The following WBP2NL variants were observed in gnomAD, a reference collection of about 807,000 sequenced individuals.
The protein encoded by WBP2NL is WBP2 N-terminal like.
Under a neutral mutation model 23.3 loss-of-function variants are expected in WBP2NL, and 27 were observed. The observed-to-expected ratio is 1.16, with a 90% confidence interval of 0.85 to 1.60. The LOEUF (loss-of-function observed/expected upper bound fraction) is 1.60, where lower values mean the gene tolerates loss of function less well. WBP2NL is among the 40% of genes most tolerant of loss of function. The pLI is 0.00. For synonymous variants in WBP2NL, 151 were observed against 145.9 expected, an observed-to-expected ratio of 1.03 and a Z score of -0.25; for missense variants, 370 against 389.5, an observed-to-expected ratio of 0.95 and a Z score of 0.42.
At chr22:42,010,889 C>T (rs1229380117) in intron 1 of WBP2NL, among the ~76,000 whole-genome samples, 1 of 152,120 alleles carries the variant, frequency 6.6e-6, no homozygotes, top group Non-Finnish European at 1.5e-5. Flanking sequence ...TTGTGATGAT[C>T]GCATGGTTTT....
intron 8 of WBP2NL, among the ~76,000 whole-genome samples, chr22:42,053,529 A>G (rs12166450): frequency 0.072 from 10,880 of 150,682 alleles, 1,325 homozygotes; most frequent in African/African-American, 0.25. Context: ...GCGCGATCTC[A>G]GCTCACCACA....
At chr22:42,019,519 T>G in intron 2 of WBP2NL, 100 bp downstream of exon 2, 1 of 1,540,626 alleles carries the variant, frequency 6.5e-7, no homozygotes, top group Non-Finnish European at 8.8e-7. Flanking sequence ...TTTTTAAACG[T>G]GCGCTTTGGG....
At chr22:42,051,130 A>G (rs556800324) in intron 8 of WBP2NL, among the ~76,000 whole-genome samples, 12 of 152,270 alleles carry the variant, frequency 7.9e-5, no homozygotes, top group Non-Finnish European at 1.5e-4. Flanking sequence ...TGGTATATCT[A>G]TACAATGGGA....
chr22:42,039,976 A>G (rs1297092951), intron 8 of WBP2NL, among the ~76,000 whole-genome samples: 1 of 150,864 alleles, frequency 6.6e-6, no homozygotes, highest in Non-Finnish European at 1.5e-5. Context: ...CAGTGGCTCA[A>G]CCTCAGCTCA....
chr22:42,031,385 C>G (rs749339821), downstream of WBP2NL: 2 of 152,192 alleles, frequency 1.3e-5, no homozygotes, highest in African/African-American at 4.8e-5. Context: ...TCCTCACTGA[C>G]GTTTTGAGTA....
At chr22:42,018,396 G>A (rs1169252468) in intron 1 of WBP2NL, among the ~76,000 whole-genome samples, 2 of 147,406 alleles carry the variant, frequency 1.4e-5, no homozygotes, top group Non-Finnish European at 3.0e-5. Flanking sequence ...AAGGAAAGAA[G>A]GGAAGGGAAG....
rs376469898 is a variant in WBP2NL at position 41,998,893 on chromosome 22, A to G, written c.62+13A>G. On this transcript the variant is annotated intron_variant, in intron 1 of 5. Transcript: ENST00000328823. The stretch of plus-strand genomic sequence containing the variant: ...CTAACGGTGAAAGGTGCCTGAGGGG[A>G]AGCACGGCGTGCTGTCGGAGGAGAG... The G allele has an allele frequency of 3.0e-5, 48 of 1,604,838 alleles. No homozygotes were observed. Among genetic ancestry groups the G allele is most frequent in the Non-Finnish European group, 4.1e-5 (48 of 1,174,058 alleles).
intron 1 of WBP2NL, among the ~76,000 whole-genome samples, chr22:41,999,920 C>T (rs1921433535): frequency 6.6e-6 from 1 of 152,168 alleles, no homozygotes; most frequent in Admixed American, 6.5e-5. Flanking sequence ...AGAGGGGTGC[C>T]CATCTCCACC....
rs567778451 is a variant in WBP2NL at position 42,004,730 on chromosome 22, C to T, written c.62+5850C>T. ...CTTGAGGTCAGGAGTTCCAGACCAG[C>T]TTGGCCAACATGAGGAAACCCCATC... On this transcript the variant is annotated intron_variant, in intron 1 of 5. Coordinates refer to ENST00000328823, the MANE Select transcript of WBP2NL (RefSeq NM_152613.3). Among the ~76,000 whole-genome samples the T allele has an allele frequency of 2.6e-5, 4 of 151,688 alleles. No individual in the cohort carries two copies. The South Asian group carries it at 8.3e-4, about 32-fold the overall frequency.
chr22:42,019,755 G>A lies in WBP2NL; in HGVS notation c.265G>A (p.Val89Ile), dbSNP rs751073905. The A allele has an allele frequency of 6.2e-7, 1 of 1,614,180 alleles. No individual in the cohort carries two copies. The highest frequency in any genetic ancestry group is 1.7e-5 in the Admixed American group (1 of 60,022). ...LMTNLTVEQP[V>I]FAANFIKGTI... Reference sequence around the variant, plus strand: ...GACGAACCTCACTGTTGAACAACCAGTATTTGCTGCAAACTTCATTAAGGG... The same window carrying A: ...GACGAACCTCACTGTTGAACAACCAATATTTGCTGCAAACTTCATTAAGGG... The change falls in exon 3 of 6, where the codon GTA becomes ATA. Residue 89 changes from valine to isoleucine, a missense_variant. Physicochemically the swap from Val to Ile is conservative, Grantham distance 29 (BLOSUM62 3). Transcript: ENST00000328823.
At position 42,026,869 on chromosome 22, in the gene WBP2NL, G is replaced by T; in HGVS notation, c.618G>T (p.Pro206=). The T allele has an allele frequency of 6.2e-7, 1 of 1,606,910 alleles. No individual in the cohort carries two copies. The highest frequency in any genetic ancestry group is 2.2e-5 in the East Asian group (1 of 44,612). Residue 206 remains proline, a synonymous_variant, in exon 6 of 6, where the codon CCG becomes CCT. Transcript: ENST00000328823. ...YGAQPVGNEG[P]PVGYRASPVR... is the part of the protein sequence containing the mutation. ...CCCAACCCGTAGGAAATGAAGGCCC[G>T]CCTGTGGGATACAGAGCCTCACCTG...
downstream of WBP2NL, among the ~76,000 whole-genome samples, chr22:42,034,087 A>G (rs1011506291): frequency 6.6e-6 from 1 of 152,162 alleles, no homozygotes; most frequent in Admixed American, 6.5e-5. Context: ...TTCTATGCTC[A>G]TTGTGCCCAA....
chr22:42,047,426 C>T (rs541548587), intron 8 of WBP2NL, among the ~76,000 whole-genome samples: 25 of 151,764 alleles, frequency 1.6e-4, no homozygotes, highest in African/African-American at 5.6e-4. Flanking sequence ...CCTGTCTCTA[C>T]TAAAAGTACA....
chr22:42,039,752 G>A (rs1022989841), intron 8 of WBP2NL, among the ~76,000 whole-genome samples: 1 of 151,742 alleles, frequency 6.6e-6, no homozygotes, highest in African/African-American at 2.4e-5. Context: ...CTAGCTAAAG[G>A]CTTGATGATT....
At chr22:42,015,211 A>G (rs1556293991) in intron 1 of WBP2NL, among the ~76,000 whole-genome samples, 5 of 152,088 alleles carry the variant, frequency 3.3e-5, no homozygotes. Context: ...ATTTGTGGCC[A>G]CTGGAATCTC....
intron 1 of WBP2NL, among the ~76,000 whole-genome samples, chr22:42,006,011 A>G (rs761328593): frequency 2.6e-5 from 4 of 152,194 alleles, no homozygotes; most frequent in Admixed American, 6.5e-5. Context: ...AGGTCAAAGA[A>G]TGGTAACATC....
At chr22:42,056,705 T>A (rs1473923440) in intron 8 of WBP2NL, among the ~76,000 whole-genome samples, 3 of 152,184 alleles carry the variant, frequency 2.0e-5, no homozygotes, top group Non-Finnish European at 4.4e-5. Context: ...GCCTTTTTTT[T>A]CATTTTTAAT....
chr22:42,045,262 C>A (rs867517866), intron 8 of WBP2NL, among the ~76,000 whole-genome samples: 3 of 151,992 alleles, frequency 2.0e-5, no homozygotes, highest in Non-Finnish European at 2.9e-5. Context: ...CATGGTGAAA[C>A]CCCGTCTCTA....
At chr22:42,039,613 A>C (rs1028429073) in intron 8 of WBP2NL, among the ~76,000 whole-genome samples, 1 of 151,998 alleles carries the variant, frequency 6.6e-6, no homozygotes, top group Non-Finnish European at 1.5e-5. Context: ...CATTTCTTCT[A>C]GGTTATTCCA....
Sources: allele counts gnomAD v4.1 joint callset (sites outside exome capture counted in the v4.1 genomes callset), GRCh38; gene constraint gnomAD v4.1.1; transcripts MANE v1.5; gene names NCBI Gene and HGNC (gene_info 2026-07-23, HGNC 2026-07-21).